The following SMAD4 variants were observed in gnomAD, a reference collection of about 807,000 sequenced individuals.
SMAD4 encodes the protein SMAD family member 4.
In SMAD4, 7 loss-of-function variants were observed where a neutral mutation model predicts 63.2. The ratio of observed to expected loss-of-function variants is 0.11; its 90% confidence interval spans 0.06 to 0.21. The LOEUF is 0.21. Among genes scored for constraint, SMAD4 ranks in the 10% least tolerant of loss-of-function variants. The pLI is 1.00. For missense variants in SMAD4, 312 were observed against 693.8 expected (o/e 0.45, Z 6.18); for synonymous variants, 215 against 235.4 (o/e 0.91, Z 0.79).
chr18:51,038,715 CTTTGT>C (rs962536003), intron 1 of SMAD4, among the ~76,000 whole-genome samples: 2 of 152,136 alleles, frequency 1.3e-5, no homozygotes, highest in Non-Finnish European at 2.9e-5. Context: ...TGATTCCTGA[CTTTGT>C]TTTAGAAAAT....
Position 51,078,804 on chromosome 18 carries a change from T to A in SMAD4, c.*337T>A. On this transcript the variant is annotated 3_prime_UTR_variant, in exon 12 of 12. Transcript: ENST00000342988. ...GAGCCTTTTATCTGCAGAACATCGA[T>A]ATGTATATCATTCTACAGAATAATC... is the stretch of plus-strand genomic sequence containing the variant. The A allele has an allele frequency of 3.1e-6, 1 of 324,682 alleles. No individual in the cohort carries two copies. Among genetic ancestry groups the A allele is most frequent in the Admixed American group, 4.4e-5 (1 of 22,560 alleles). 20.1% of individuals were successfully genotyped at this position (324,682 alleles called of 1,614,324 possible).
chr18:51,060,640 T>G (rs538411832), intron 8 of SMAD4, among the ~76,000 whole-genome samples: 37 of 152,260 alleles, frequency 2.4e-4, no homozygotes, highest in African/African-American at 8.4e-4. Context: ...TTATTTTTAC[T>G]TGTTTATTTT....
At chr18:51,037,501 A>T (rs1188005152) in intron 1 of SMAD4, among the ~76,000 whole-genome samples, 1 of 152,232 alleles carries the variant, frequency 6.6e-6, no homozygotes, top group Non-Finnish European at 1.5e-5. Flanking sequence ...CTTTATAGTC[A>T]AACACACATA....
rs181317382 is a variant in SMAD4, at chr18:51,065,197, T to A, written c.956-226T>A. 3.0e-3 allele frequency among the ~76,000 whole-genome samples: 460 copies of A among 152,102 alleles called. 1 individual carries two copies. Among genetic ancestry groups the A allele is most frequent in the Middle Eastern group, 0.014 (4 of 294 alleles). On this transcript the variant is annotated intron_variant, in intron 8 of 11. Coordinates refer to ENST00000342988, the MANE Select transcript of SMAD4 (RefSeq NM_005359.6). Reference sequence around the variant, plus strand: ...GGTAATTGGAAATTAAAAAAAAAAATTAGTGTTTTAAGAACAGTGCTAAGT... The same window carrying A: ...GGTAATTGGAAATTAAAAAAAAAAAATAGTGTTTTAAGAACAGTGCTAAGT...
Position 51,059,853 on chromosome 18 carries a change from G to T in SMAD4, c.905-13G>T, listed in dbSNP as rs1488791339. ...AGTAAATAAAAATGGAATTTTTGTT[G>T]TCTTTTCTTTAGGGCCTGTTCACAA... is the stretch of plus-strand genomic sequence containing the variant. On this transcript the variant is annotated splice_polypyrimidine_tract_variant and intron_variant, in intron 7 of 11. Coordinates refer to ENST00000342988, the MANE Select transcript of SMAD4 (RefSeq NM_005359.6). 6.2e-7 allele frequency: 1 copy of T among 1,607,034 alleles called. No homozygotes were observed.
intron 10 of SMAD4, among the ~76,000 whole-genome samples, chr18:51,068,322 G>A (rs1166205372): frequency 1.3e-5 from 2 of 152,096 alleles, no homozygotes; most frequent in African/African-American, 4.8e-5. Flanking sequence ...TCTTTAATGT[G>A]TTTCTCCCCC....
intron 1 of SMAD4, among the ~76,000 whole-genome samples, chr18:51,035,543 C>T (rs1250670193): frequency 6.6e-6 from 1 of 152,104 alleles, no homozygotes; most frequent in Non-Finnish European, 1.5e-5. Context: ...AAATATAACT[C>T]CCAATGCAAA....
rs768723885 is a variant in SMAD4, at chr18:51,084,763, TAGA to T, written c.*6302_*6304del. 22 of 231,680 alleles carry T rather than the reference TAGA, an allele frequency of 9.5e-5. No homozygotes were observed. The East Asian group carries it at 1.2e-3, about 12-fold the overall frequency. The allele number at this position is 231,680 out of a possible 1,614,324, so 14.4% of individuals were successfully genotyped here. ...ACCTGGTGGGCTGCAGAGCCCAGTT[TAGA>T]AGAAGTGAGTTGGGGGTTGGGGACA... is the stretch of plus-strand genomic sequence containing the variant. On this transcript the variant is annotated 3_prime_UTR_variant, in exon 12 of 12. Transcript: ENST00000342988.
At chr18:51,046,263 A>G (rs1471188763) in intron 1 of SMAD4, among the ~76,000 whole-genome samples, 7 of 152,166 alleles carry the variant, frequency 4.6e-5, no homozygotes, top group East Asian at 3.8e-4. Context: ...GGCTTCTTCA[A>G]TACTTACTAT....
intron 10 of SMAD4, among the ~76,000 whole-genome samples, chr18:51,067,734 A>G (rs12458752): frequency 0.33 from 49,470 of 152,052 alleles, 8,690 homozygotes; most frequent in East Asian, 0.41. Context: ...TTAGAGTAAT[A>G]CAAAGGCTCT....
intron 5 of SMAD4, among the ~76,000 whole-genome samples, chr18:51,057,745 T>G (rs1316997988): frequency 6.6e-6 from 1 of 152,234 alleles, no homozygotes; most frequent in African/African-American, 2.4e-5. Context: ...GCCTGGATTT[T>G]TGGGGTCCTA....
At chr18:51,072,217 G>GT (rs1199685473) in intron 10 of SMAD4, among the ~76,000 whole-genome samples, 1 of 152,178 alleles carries the variant, frequency 6.6e-6, no homozygotes, top group Non-Finnish European at 1.5e-5. Context: ...CACTAGCAGG[G>GT]TGTGAGGGTT....
intron 10 of SMAD4, among the ~76,000 whole-genome samples, chr18:51,073,997 C>T (rs1189536932): frequency 6.6e-6 from 1 of 151,976 alleles, no homozygotes; most frequent in African/African-American, 2.4e-5. Context: ...TTGCAAAAGA[C>T]ACATCTAGTA....
At chr18:51,066,437 G>A (rs780260358) in intron 9 of SMAD4, among the ~76,000 whole-genome samples, 23 of 151,932 alleles carry the variant, frequency 1.5e-4, no homozygotes, top group Non-Finnish European at 2.5e-4. Context: ...GTATGATCTC[G>A]GCTTTTAAGG....
chr18:51,078,164 C>A, intron 11 of SMAD4, 92 bp from the exon 12 acceptor site: 2 of 1,054,572 alleles, frequency 1.9e-6, no homozygotes, highest in Non-Finnish European at 2.9e-6. Context: ...GAATGAAATA[C>A]AGAAAGCTGG....
At chr18:51,073,382 TATATATACACACAC>T (rs1406683861) in intron 10 of SMAD4, among the ~76,000 whole-genome samples, 75 of 88,094 alleles carry the variant, frequency 8.5e-4, no homozygotes, top group African/African-American at 2.8e-3. Flanking sequence ...TATATATATA[TATATATACACACAC>T]ACACACACAC....
chr18:51,061,871 A>T (rs1910023918), intron 8 of SMAD4, among the ~76,000 whole-genome samples: 1 of 152,114 alleles, frequency 6.6e-6, no homozygotes, highest in Admixed American at 6.5e-5. Flanking sequence ...ATGTTCTGTT[A>T]TTGATTATGT....
intron 8 of SMAD4, among the ~76,000 whole-genome samples, chr18:51,062,661 G>T (rs547560718): frequency 6.6e-6 from 1 of 151,466 alleles, no homozygotes; most frequent in African/African-American, 2.4e-5. Context: ...ACCATGCCTG[G>T]CTAATTTTTG....
rs1064793725 is a variant in SMAD4, at chr18:51,067,138, G to A, written c.1259G>A (p.Arg420His). The A allele has an allele frequency of 6.2e-7, 1 of 1,609,488 alleles. No homozygotes were observed. The highest frequency in any genetic ancestry group is 8.5e-7 in the Non-Finnish European group (1 of 1,175,842). The stretch of plus-strand genomic sequence containing the variant: ...TACTACTTAGACAGAGAAGCTGGGC[G>A]TGCACCTGGAGATGCTGTTCATAAG... ...QSYYLDREAG[R>H]APGDAVHKIY... is the part of the protein sequence containing the mutation. Residue 420 changes from arginine (R) to histidine (H), a missense_variant, in exon 10 of 12, where the codon CGT becomes CAT. Coordinates refer to ENST00000342988, the MANE Select transcript of SMAD4 (RefSeq NM_005359.6).
Sources: allele counts gnomAD v4.1 joint callset (sites outside exome capture counted in the v4.1 genomes callset), GRCh38; gene constraint gnomAD v4.1.1; transcripts MANE v1.5; gene names NCBI Gene and HGNC (gene_info 2026-07-23, HGNC 2026-07-21).